The following ZMAT1 variants were observed in gnomAD, a reference collection of about 807,000 sequenced individuals.
The protein encoded by ZMAT1 is zinc finger matrin-type protein 1.
A neutral mutation model predicts 18.5 loss-of-function variants in ZMAT1; 11 were observed. The observed-to-expected ratio is 0.59, with a 90% CI of 0.37 to 0.98. ZMAT1 has a LOEUF of 0.98. ZMAT1 is among the 50% of genes least tolerant of loss of function. ZMAT1 has a pLI of 0.01. For synonymous variants in ZMAT1, 211 were observed against 176.4 expected (o/e 1.20, Z -1.55); for missense variants, 525 against 496.2 (o/e 1.06, Z -0.55).
chrX:101,908,634 G>A (rs867976984), intron 1 of ZMAT1, among the ~76,000 whole-genome samples: 8 of 111,498 alleles, frequency 7.2e-5, no homozygotes, highest in Middle Eastern at 4.6e-3. Flanking sequence ...CAGTGAACTC[G>A]GTGCTATCCT....
chrX:101,887,368 G>GT (rs1251478342), intron 4 of ZMAT1: 1 of 407,622 alleles, frequency 2.5e-6, no homozygotes, highest in Admixed American at 9.1e-5. Context: ...GAACTATATA[G>GT]TAACTAGCAC....
chrX:101,897,789 T>TA, intron 4 of ZMAT1, 79 bp downstream of exon 4: 3 of 916,124 alleles, frequency 3.3e-6, no homozygotes, highest in Non-Finnish European at 4.5e-6. Flanking sequence ...TCTCCCCCAC[T>TA]AAAAAGGATA....
chrX:101,908,852 C>T (rs1050927900), intron 1 of ZMAT1, among the ~76,000 whole-genome samples: 18 of 111,144 alleles, frequency 1.6e-4, no homozygotes, highest in Middle Eastern at 4.6e-3. Context: ...AATTCGTAGG[C>T]GAGTCCTAGG....
chrX:101,888,485 C>A (rs374541553), intron 4 of ZMAT1: 1 of 111,226 alleles, frequency 9.0e-6, no homozygotes, highest in Non-Finnish European at 1.9e-5. Context: ...TGGAAAAATT[C>A]AAAAATATTG....
chrX:101,918,479 CACACAA>C (rs1360129944), intron 1 of ZMAT1: 2 of 106,208 alleles, frequency 1.9e-5, no homozygotes, highest in African/African-American at 3.5e-5. Context: ...CACACACACA[CACACAA>C]AAATTAGCTG....
chrX:101,892,714 A>C (rs2147596759), intron 4 of ZMAT1: 1 of 746,593 alleles, frequency 1.3e-6, no homozygotes, highest in East Asian at 1.5e-4. Context: ...CTTTAGTTCC[A>C]TATCGTTATG....
At chrX:101,923,932 G>C (rs913825497) in intron 1 of ZMAT1, among the ~76,000 whole-genome samples, 1 of 111,484 alleles carries the variant, frequency 9.0e-6, no homozygotes, top group African/African-American at 3.3e-5. Context: ...ATGATTTCAA[G>C]TCTCATCTGG....
chrX:101,927,763 C>A (rs1930145173), intron 1 of ZMAT1, among the ~76,000 whole-genome samples: 1 of 111,854 alleles, frequency 8.9e-6, no homozygotes, highest in Non-Finnish European at 1.9e-5. Context: ...GGCATTCATT[C>A]CAACAGGTTA....
chrX:101,930,135 T>G (rs931578559), intron 1 of ZMAT1, among the ~76,000 whole-genome samples: 5 of 112,124 alleles, frequency 4.5e-5, no homozygotes, highest in African/African-American at 1.6e-4. Flanking sequence ...AACAAACCAG[T>G]TGCATCTCCA....
chrX:101,919,417 C>T (rs762640301), intron 1 of ZMAT1, among the ~76,000 whole-genome samples: 1 of 112,081 alleles, frequency 8.9e-6, no homozygotes, highest in South Asian at 3.7e-4. Context: ...ATCAAAATAA[C>T]TTGTCACGTC....
At position 101,931,833 on chromosome X, in the gene ZMAT1, G is replaced by A. The variant is rs1350403934; in HGVS notation, c.176C>T (p.Pro59Leu). ...GCCGTCGCCACAGCCACCGGCAGGC[G>A]GGCAGGCAGGGGCGGAGGTGGCGGA... The part of the protein sequence containing the change: ...ASSATSAPAC[P>L]PAGGCGDGGG... The change falls in exon 1 of 6, where the codon CCG (proline) becomes CTG (leucine). Residue 59 changes from proline (P) to leucine (L), a missense_variant. Coordinates refer to ENST00000651725, the MANE Select transcript of ZMAT1 (RefSeq NM_001394560.1). 8 of 783,291 alleles carry A rather than the reference G, an allele frequency of 1.0e-5. No homozygotes were observed. Among genetic ancestry groups the A allele is most frequent in the South Asian group, 5.2e-5 (1 of 19,362 alleles). The allele number at this position is 783,291 out of a possible 1,213,427, so 64.6% of individuals were successfully genotyped here.
chrX:101,907,380 G>GT (rs759735343), intron 1 of ZMAT1, among the ~76,000 whole-genome samples: 5 of 112,576 alleles, frequency 4.4e-5, no homozygotes, highest in African/African-American at 1.6e-4. Context: ...GCCAGCAAGC[G>GT]TATCAGGGAT....
At chrX:101,908,994 C>A (rs920495243) in intron 1 of ZMAT1, among the ~76,000 whole-genome samples, 7 of 108,602 alleles carry the variant, frequency 6.4e-5, no homozygotes, top group Non-Finnish European at 1.1e-4. Context: ...TGGTTTGAGG[C>A]TCCAAAAGAG....
Position 101,884,843 on chromosome X carries a change from A to C in ZMAT1, c.777-22T>G, listed in dbSNP as rs758010281. On this transcript the variant is annotated intron_variant, in intron 5 of 5. Coordinates refer to ENST00000651725, the MANE Select transcript of ZMAT1 (RefSeq NM_001394560.1). Reference sequence around the variant, plus strand: ...TTCTCTGTAAAGAAGACAGTAGAAAATTGTTATTAGATTATTTTATTCTAA... The same window carrying C: ...TTCTCTGTAAAGAAGACAGTAGAAACTTGTTATTAGATTATTTTATTCTAA... The C allele has an allele frequency of 1.2e-5, 11 of 890,046 alleles. No individual in the cohort carries two copies. In the Admixed American group the frequency reaches 1.5e-4, roughly 12 times the overall value. The allele number at this position is 890,046 out of a possible 1,213,427, so 73.3% of individuals were successfully genotyped here.
intron 1 of ZMAT1, among the ~76,000 whole-genome samples, chrX:101,921,132 C>T (rs757717000): frequency 3.6e-5 from 4 of 111,345 alleles, no homozygotes; most frequent in Non-Finnish European, 7.5e-5. Flanking sequence ...CTATATTTGG[C>T]CGTAATCTCT....
chrX:101,913,509 A>G (rs1291249961), intron 1 of ZMAT1, among the ~76,000 whole-genome samples: 1 of 111,878 alleles, frequency 8.9e-6, no homozygotes, highest in Non-Finnish European at 1.9e-5. Context: ...TTCCATGCCA[A>G]TGAAACTAAA....
chrX:101,883,618 A>G lies in ZMAT1; in HGVS notation c.1980T>C (p.Asp660=), dbSNP rs772697728. Residue 660 remains aspartate, a synonymous_variant, in exon 6 of 6, where the codon GAT becomes GAC. Coordinates refer to ENST00000651725, the MANE Select transcript of ZMAT1 (RefSeq NM_001394560.1). ...TACGTTCTTCTTTCTCGGAGGGTAC[A>G]TCATGGCTTTTTTTCTTTTTTCGAT... ...LKHRKKKKSH[D]VPSEKEERKH... The G allele has an allele frequency of 8.3e-7, 1 of 1,208,725 alleles. No homozygotes were observed. The highest frequency in any genetic ancestry group is 1.7e-5 in the African/African-American group (1 of 57,332).
At chrX:101,899,418 T>C (rs936968273) in intron 2 of ZMAT1, among the ~76,000 whole-genome samples, 8 of 111,715 alleles carry the variant, frequency 7.2e-5, no homozygotes, top group Admixed American at 5.7e-4. Context: ...CCGAGCAGTA[T>C]ACACTGTGCC....
chrX:101,904,877 C>T (rs1226072715), intron 1 of ZMAT1, among the ~76,000 whole-genome samples: 1 of 111,496 alleles, frequency 9.0e-6, no homozygotes, highest in African/African-American at 3.3e-5. Context: ...CCCAGGAGGT[C>T]GAGGCTGCAG....
Sources: allele counts gnomAD v4.1 joint callset (sites outside exome capture counted in the v4.1 genomes callset), GRCh38; gene constraint gnomAD v4.1.1; transcripts MANE v1.5; gene names NCBI Gene and HGNC (gene_info 2026-07-23, HGNC 2026-07-21).